The following MC2R variants were observed in gnomAD, a reference collection of about 807,000 sequenced individuals.
MC2R encodes the protein adrenocorticotropic hormone receptor.
A neutral mutation model predicts 9.8 loss-of-function variants in MC2R; 9 were observed. The ratio of observed to expected loss-of-function variants is 0.92; its 90% CI spans 0.55 to 1.60. The LOEUF (loss-of-function observed/expected upper bound fraction) is 1.60, where lower values mean the gene tolerates loss of function less well. Ranked by LOEUF, MC2R falls within the 40% of genes most tolerant of loss-of-function variation. MC2R has a pLI of 0.00. For missense variants in MC2R, 370 were observed against 389.0 expected, an observed-to-expected ratio of 0.95 and a Z score of 0.41; for synonymous variants, 185 against 154.7, an observed-to-expected ratio of 1.20 and a Z score of -1.45.
chr18:13,883,799 A>G lies in MC2R; in HGVS notation c.*826T>C, dbSNP rs2045253685. Reference sequence around the variant, plus strand: ...TCATCTGGCCTTTATGTATTCCCACATGGGAACTAAATGGATTAAATTTTC... The same window carrying G: ...TCATCTGGCCTTTATGTATTCCCACGTGGGAACTAAATGGATTAAATTTTC... On this transcript the variant is annotated 3_prime_UTR_variant, in exon 2 of 2. Transcript: ENST00000327606. 1 of 152,180 alleles carries G rather than the reference A, an allele frequency of 6.6e-6. No individual in the cohort carries two copies. The highest frequency in any genetic ancestry group is 2.4e-5 in the African/African-American group (1 of 41,422). 9.4% of individuals were successfully genotyped at this position (152,180 alleles called of 1,614,324 possible). A position where few individuals can be genotyped will look rare whatever the true frequency, so the allele number is the denominator to read the frequency against.
In MC2R at chr18:13,905,251, AC is replaced by A. The variant is rs571992236; in HGVS notation, c.-129+10236del. 6.0e-4 allele frequency among the ~76,000 whole-genome samples: 91 copies of A among 152,328 alleles called. 1 individual carries two copies. Among genetic ancestry groups the A allele is most frequent in the African/African-American group, 2.1e-3 (88 of 41,572 alleles). ...ATGAACAGACACTTCTCAAAAGAAG[AC>A]ATTTATGCGGCCAACAAACAAATGA... On this transcript the variant is annotated intron_variant, in intron 1 of 1. Coordinates refer to ENST00000327606, the MANE Select transcript of MC2R (RefSeq NM_000529.2).
intron 1 of MC2R, among the ~76,000 whole-genome samples, chr18:13,906,552 T>A (rs2045415698): frequency 6.6e-6 from 1 of 152,080 alleles, no homozygotes; most frequent in Admixed American, 6.5e-5. Context: ...TTTTTGTTTC[T>A]TAGAAGAAAT....
intron 1 of MC2R, among the ~76,000 whole-genome samples, chr18:13,908,707 TGTGTGTGTGTGTG>T (rs1219755659): frequency 3.8e-4 from 9 of 23,826 alleles, no homozygotes; most frequent in East Asian, 7.6e-3. Context: ...AGGAGCTTCT[TGTGTGTGTGTGTG>T]TGTGTGTGTG....
chr18:13,901,593 A>G (rs1360914770), intron 1 of MC2R, among the ~76,000 whole-genome samples: 1 of 152,100 alleles, frequency 6.6e-6, no homozygotes, highest in Non-Finnish European at 1.5e-5. Flanking sequence ...ATTAGTGGCT[A>G]CTATGAGTAA....
Position 13,885,230 on chromosome 18 carries a change from T to A in MC2R, c.289A>T (p.Ser97Cys), listed in dbSNP as rs1300489219. 1.2e-6 allele frequency: 2 copies of A among 1,614,182 alleles called. No homozygotes were observed. The highest frequency in any genetic ancestry group is 3.3e-5 in the Admixed American group (2 of 60,018). ...RNMGYLKPRG[S>C]FETTADDIID... is the part of the protein sequence containing the mutation. ...ATGTCATCGGCTGTGGTTTCAAAAC[T>A]GCCACGTGGCTTGAGATAGCCCATG... The change falls in exon 2 of 2, where the codon AGT (serine) becomes TGT (cysteine). Residue 97 changes from serine (S) to cysteine (C), a missense_variant. By Grantham distance (112) the Ser-to-Cys change is moderately radical. Coordinates refer to ENST00000327606, the MANE Select transcript of MC2R (RefSeq NM_000529.2).
chr18:13,898,674 G>C (rs1264140251), intron 1 of MC2R, among the ~76,000 whole-genome samples: 3 of 152,244 alleles, frequency 2.0e-5, no homozygotes, highest in Non-Finnish European at 4.4e-5. Context: ...TCAGAAGAGA[G>C]AGAGAGACTC....
rs149428885 is a variant in MC2R at position 13,883,288 on chromosome 18, A to G, written c.*1337T>C. On this transcript the variant is annotated 3_prime_UTR_variant, in exon 2 of 2. Coordinates refer to ENST00000327606, the MANE Select transcript of MC2R (RefSeq NM_000529.2). ...CCCTCCAACTTAGTGGGGACTTACA[A>G]TCAGGATGTGCTTCTCCTTTAAGCT... 6.6e-6 allele frequency: 1 copy of G among 152,388 alleles called. No homozygotes were observed. The highest frequency in any genetic ancestry group is 1.5e-5 in the Non-Finnish European group (1 of 68,074). 9.4% of individuals were successfully genotyped at this position (152,388 alleles called of 1,614,324 possible).
intron 1 of MC2R, among the ~76,000 whole-genome samples, chr18:13,887,077 T>G (rs1353480594): frequency 1.3e-5 from 2 of 152,352 alleles, no homozygotes; most frequent in Non-Finnish European, 1.5e-5. Context: ...ACCACCTCAG[T>G]CCTGGGCAGA....
intron 1 of MC2R, among the ~76,000 whole-genome samples, chr18:13,891,891 T>C (rs2045317668): frequency 6.6e-6 from 1 of 152,210 alleles, no homozygotes; most frequent in South Asian, 2.1e-4. Context: ...AGTGCTTCTA[T>C]TTCTTGGTCC....
At chr18:13,898,347 C>T (rs900989258) in intron 1 of MC2R, among the ~76,000 whole-genome samples, 2 of 152,170 alleles carry the variant, frequency 1.3e-5, no homozygotes, top group Admixed American at 6.5e-5. Context: ...AGTGTCAGCT[C>T]AGCCACAGAC....
chr18:13,894,652 T>C (rs960381764), intron 1 of MC2R, among the ~76,000 whole-genome samples: 4 of 152,256 alleles, frequency 2.6e-5, no homozygotes, highest in African/African-American at 9.6e-5. Context: ...CTTACAGCTC[T>C]GTACAATCTG....
At chr18:13,907,325 A>T (rs1420039030) in intron 1 of MC2R, among the ~76,000 whole-genome samples, 5 of 152,244 alleles carry the variant, frequency 3.3e-5, no homozygotes, top group Non-Finnish European at 7.3e-5. Flanking sequence ...CCATATGCAG[A>T]GGAATGAAAC....
chr18:13,913,127 C>T (rs977557481), intron 1 of MC2R, among the ~76,000 whole-genome samples: 1 of 152,084 alleles, frequency 6.6e-6, no homozygotes, highest in Non-Finnish European at 1.5e-5. Flanking sequence ...GAAGGAAAGT[C>T]CCGAGAATGG....
intron 1 of MC2R, among the ~76,000 whole-genome samples, chr18:13,902,455 A>G (rs1046236520): frequency 2.6e-5 from 4 of 152,192 alleles, no homozygotes; most frequent in Non-Finnish European, 5.9e-5. Flanking sequence ...AGAGAGCTGT[A>G]GTAACCAAAA....
intron 1 of MC2R, among the ~76,000 whole-genome samples, chr18:13,892,038 G>T (rs932450340): frequency 6.6e-6 from 1 of 152,180 alleles, no homozygotes; most frequent in Non-Finnish European, 1.5e-5. Context: ...GGCCAGGCAG[G>T]GTTTTGCATA....
At chr18:13,908,121 A>G (rs1464188200) in intron 1 of MC2R, among the ~76,000 whole-genome samples, 1 of 152,230 alleles carries the variant, frequency 6.6e-6, no homozygotes, top group Non-Finnish European at 1.5e-5. Flanking sequence ...CAAAATATGG[A>G]CTCGACCTAA....
rs571834806 is a variant in MC2R at position 13,884,410 on chromosome 18, G to A, written c.*215C>T. ...TATTCTATCCTTCTTTTACTACATC[G>A]TTTTATCTGTCCAGTCACAAAGTTA... On this transcript the variant is annotated 3_prime_UTR_variant, in exon 2 of 2. Transcript: ENST00000327606. The A allele has an allele frequency of 2.4e-5, 15 of 612,858 alleles. No homozygotes were observed. Among genetic ancestry groups the A allele is most frequent in the South Asian group, 1.7e-4 (9 of 52,760 alleles). 38.0% of individuals were successfully genotyped at this position (612,858 alleles called of 1,614,324 possible).
At chr18:13,888,502 C>T (rs9966742) in intron 1 of MC2R, among the ~76,000 whole-genome samples, 9,568 of 152,238 alleles carry the variant, frequency 0.063, 918 homozygotes, top group African/African-American at 0.21. Context: ...GTTGGGCAAA[C>T]GCCCAAAGCC....
chr18:13,911,161 C>T (rs983154425), intron 1 of MC2R, among the ~76,000 whole-genome samples: 2 of 152,174 alleles, frequency 1.3e-5, no homozygotes, highest in African/African-American at 2.4e-5. Flanking sequence ...GTAGCAGGGA[C>T]TAGGGGCCAA....
Sources: allele counts gnomAD v4.1 joint callset (sites outside exome capture counted in the v4.1 genomes callset), GRCh38; gene constraint gnomAD v4.1.1; transcripts MANE v1.5; gene names NCBI Gene and HGNC (gene_info 2026-07-23, HGNC 2026-07-21).